NOS1: variants seen among roughly 807,000 people sequenced by gnomAD.
NOS1 encodes nitric oxide synthase 1, also known as NOS type I.
Under a neutral mutation model 164.5 loss-of-function variants are expected in NOS1, and 51 were observed. The observed-to-expected ratio is 0.31, with a 90% CI of 0.25 to 0.39. NOS1 has a LOEUF of 0.39. Among genes scored for constraint, NOS1 ranks in the 10% least tolerant of loss-of-function variants. NOS1 has a pLI of 1.00. For missense variants in NOS1, 1,362 were observed against 1,885.6 expected, an observed-to-expected ratio of 0.72 and a Z score of 5.14; for synonymous variants, 719 against 745.8, an observed-to-expected ratio of 0.96 and a Z score of 0.59.
At chr12:117,347,317 T>TAAAC (rs989976785) in intron 1 of NOS1, among the ~76,000 whole-genome samples, 1 of 148,472 alleles carries the variant, frequency 6.7e-6, no homozygotes, top group East Asian at 2.0e-4. Context: ...AAAAGAAAAA[T>TAAAC]AAACAAACAA....
At chr12:117,280,406 T>C (rs561269975) in intron 8 of NOS1, among the ~76,000 whole-genome samples, 20 of 152,290 alleles carry the variant, frequency 1.3e-4, no homozygotes, top group African/African-American at 4.3e-4. Flanking sequence ...TGGACTGTAG[T>C]TCTAGCTTTT....
intron 13 of NOS1, among the ~76,000 whole-genome samples, chr12:117,262,489 GA>G (rs1566046072): frequency 0.04 from 1,627 of 40,190 alleles, 48 homozygotes; most frequent in African/African-American, 0.28. Context: ...GGGGGAGGGG[GA>G]GAGAGAGAGA....
At chr12:117,219,963 G>C (rs1956675269) in intron 27 of NOS1, 112 bp downstream of exon 27, 7 of 1,021,728 alleles carry the variant, frequency 6.9e-6, no homozygotes, top group Non-Finnish European at 1.0e-5. Flanking sequence ...CAACGAATGG[G>C]AGCAGGGATA....
chr12:117,331,434 C>G lies in NOS1; in HGVS notation c.-365G>C, dbSNP rs1487867256. ...ACGCATGATAGATGTGAACTATTCT[C>G]TGGGTATCTTCATTGCCAGCCTGTT... On this transcript the variant is annotated 5_prime_UTR_variant, in exon 2 of 29. Transcript: ENST00000317775. The G allele has an allele frequency of 4.6e-6, 1 of 219,032 alleles. No homozygotes were observed. Among genetic ancestry groups the G allele is most frequent in the Non-Finnish European group, 9.2e-6 (1 of 109,086 alleles). The allele number at this position is 219,032 out of a possible 1,614,324, so 13.6% of individuals were successfully genotyped here.
At chr12:117,253,056 G>A (rs933091655) in intron 17 of NOS1, among the ~76,000 whole-genome samples, 4 of 152,098 alleles carry the variant, frequency 2.6e-5, no homozygotes, top group African/African-American at 7.2e-5. Flanking sequence ...ATGTGACTAC[G>A]CCATGAGATA....
chr12:117,231,921 G>T (rs1393623875), intron 22 of NOS1, 41 bp downstream of exon 22: 1 of 1,580,578 alleles, frequency 6.3e-7, no homozygotes, highest in Non-Finnish European at 8.6e-7. Context: ...ACGAGGAGGT[G>T]AAATGCGCCC....
At position 117,247,424 on chromosome 12, in the gene NOS1, A is replaced by G; in HGVS notation, c.2747T>C (p.Ile916Thr). 1.2e-6 allele frequency: 2 copies of G among 1,612,764 alleles called. No homozygotes were observed. The highest frequency in any genetic ancestry group is 8.5e-7 in the Non-Finnish European group (1 of 1,179,606). ...TLLEELGGER[I>T]LKMREGDELC... ...CTCATCCCCTTCCCTCATCTTCAGG[A>G]TCCTCTCCCCTCCCAGTTCTTCCAG... Residue 916 changes from isoleucine (I) to threonine (T), a missense_variant, in exon 18 of 29, where the codon ATC becomes ACC. Physicochemically the swap from Ile to Thr is moderately conservative, Grantham distance 89. This residue lies in a region of NOS1 where 737 missense variants were observed against 1,030.3 expected (regional missense o/e 0.72). Coordinates refer to ENST00000317775, the MANE Select transcript of NOS1 (RefSeq NM_000620.5).
intron 4 of NOS1, among the ~76,000 whole-genome samples, chr12:117,289,578 A>T (rs1872914095): frequency 6.6e-6 from 1 of 152,308 alleles, no homozygotes; most frequent in African/African-American, 2.4e-5. Context: ...TTTGTTACAT[A>T]TGTATACATG....
intron 13 of NOS1, among the ~76,000 whole-genome samples, chr12:117,262,127 A>G (rs952377753): frequency 2.0e-5 from 3 of 152,244 alleles, no homozygotes; most frequent in Non-Finnish European, 4.4e-5. Flanking sequence ...AGACTTAGCT[A>G]AGGGGAAGAA....
chr12:117,246,529 A>G (rs182473220), intron 18 of NOS1, among the ~76,000 whole-genome samples: 1 of 152,308 alleles, frequency 6.6e-6, no homozygotes, highest in Non-Finnish European at 1.5e-5. Context: ...GGCATGTCGA[A>G]CGTCCACAAG....
chr12:117,246,602 A>C (rs1161811135), intron 18 of NOS1, among the ~76,000 whole-genome samples: 1 of 152,042 alleles, frequency 6.6e-6, no homozygotes, highest in African/African-American at 2.4e-5. Context: ...AACACTGAAA[A>C]ACTTTTTTAT....
Position 117,234,906 on chromosome 12 carries a change from CTAT to C in NOS1, c.3042-151_3042-149del, listed in dbSNP as rs10588671. 0.38 allele frequency: 163,809 copies of C among 434,858 alleles called. 33,361 individuals carry two copies. The highest frequency in any genetic ancestry group is 0.7 in the African/African-American group (33,228 of 47,554). 26.9% of individuals were successfully genotyped at this position (434,858 alleles called of 1,614,324 possible). A position where few individuals can be genotyped will look rare whatever the true frequency, so the allele number is the denominator to read the frequency against. On this transcript the variant is annotated intron_variant, in intron 20 of 28. Coordinates refer to ENST00000317775, the MANE Select transcript of NOS1 (RefSeq NM_000620.5). The surrounding 1 kb of genome is among the most constrained non-coding windows in gnomAD (Gnocchi z 4.3). ...TAACCAAGCCTATGCCCCCATCATTCTATTATTATTATTATTATTATTATTATG... is the reference window on the plus strand; with the variant it reads ...TAACCAAGCCTATGCCCCCATCATTCTATTATTATTATTATTATTATTATG...
intron 26 of NOS1, among the ~76,000 whole-genome samples, chr12:117,222,004 C>T (rs1281727068): frequency 1.3e-5 from 2 of 151,964 alleles, no homozygotes; most frequent in Middle Eastern, 3.4e-3. Context: ...CATTTACCGT[C>T]GTAACCACTT....
At chr12:117,290,595 C>T (rs529153817) in intron 3 of NOS1, among the ~76,000 whole-genome samples, 169 bp from the exon 4 acceptor site, 1 of 152,050 alleles carries the variant, frequency 6.6e-6, no homozygotes, top group East Asian at 1.9e-4. Flanking sequence ...GTACAAGGTT[C>T]CTGGGAACCT....
At chr12:117,327,513 A>G (rs942722508) in intron 2 of NOS1, among the ~76,000 whole-genome samples, 1 of 152,158 alleles carries the variant, frequency 6.6e-6, no homozygotes, top group Non-Finnish European at 1.5e-5. Flanking sequence ...CAGCTCCCTG[A>G]GGCCCGGGTT....
chr12:117,356,187 G>C lies in NOS1; in HGVS notation c.-421+5325C>G, dbSNP rs1350929766. Among the ~76,000 whole-genome samples, 2 of 152,172 alleles carry C rather than the reference G, an allele frequency of 1.3e-5. No homozygotes were observed. The highest frequency in any genetic ancestry group is 4.8e-5 in the African/African-American group (2 of 41,438). The stretch of plus-strand genomic sequence containing the variant: ...CCCTGTAGTACTTATAATCTCTGCT[G>C]TATGAATGACATGCTGGAGAGTCAG... On this transcript the variant is annotated intron_variant, in intron 1 of 28. Coordinates refer to ENST00000317775, the MANE Select transcript of NOS1 (RefSeq NM_000620.5). The surrounding 1 kb of genome is among the most constrained non-coding windows in gnomAD (Gnocchi z 4.2).
chr12:117,259,212 G>A, intron 14 of NOS1, 82 bp from the exon 15 acceptor site: 1 of 895,562 alleles, frequency 1.1e-6, no homozygotes, highest in East Asian at 2.5e-5. Flanking sequence ...GACAAAAAGT[G>A]ATGGGGGAAG....
Position 117,330,471 on chromosome 12 carries a change from C to G in NOS1, c.599G>C (p.Gly200Ala), listed in dbSNP as rs776831320. The change falls in exon 2 of 29, where the codon GGG becomes GCG. Residue 200 changes from glycine to alanine, a missense_variant. Gly to Ala is a moderately conservative substitution (Grantham distance 60). Around this residue, in one of 4 missense-constraint regions of NOS1, gnomAD observed 362 missense variants for 402.0 expected, o/e 0.90. Transcript: ENST00000317775. This position sits in a 1 kb window ranked among gnomAD's most constrained non-coding sequence, Gnocchi z 4.6. ...CTCCTTGAGCAGTTCATTGTTCTCC[C>G]CTCTGCCTTGGAGGCTGACTCTGGT... ...KATRVSLQGR[G>A]ENNELLKEIE... 26 of 1,614,092 alleles carry G rather than the reference C, an allele frequency of 1.6e-5. No homozygotes were observed. In the South Asian group the frequency reaches 2.6e-4, roughly 16 times the overall value.
intron 1 of NOS1, among the ~76,000 whole-genome samples, chr12:117,347,710 C>T (rs974223250): frequency 2.6e-5 from 4 of 152,140 alleles, no homozygotes; most frequent in Admixed American, 2.6e-4. Flanking sequence ...CCCACCTCCG[C>T]ATGAGATCAC....
Sources: gnomAD v4.1 joint callset for allele counts (sites outside exome capture counted in the v4.1 genomes callset) on GRCh38, gnomAD v4.1.1 for gene constraint, gnomAD v4.1.1 regional missense constraint, Gnocchi (gnomAD v3.1) non-coding constraint, MANE v1.5 for transcripts, NCBI Gene and HGNC (gene_info 2026-07-23, HGNC 2026-07-21) for gene names.